Variants in ORMDL3 observed in about 807,000 individuals in gnomAD.
ORMDL3 encodes ORMDL sphingolipid biosynthesis regulator 3, also known as ORM1-like protein 3.
ORMDL3 carries 6 observed loss-of-function variants against 12.6 expected under a neutral mutation model. The observed-to-expected ratio is 0.48, with a 90% CI of 0.26 to 0.94. The LOEUF is 0.94. Ranked by LOEUF, ORMDL3 falls within the 40% of genes least tolerant of loss-of-function variation. The pLI is 0.14. For synonymous variants in ORMDL3, 99 were observed against 87.2 expected, an observed-to-expected ratio of 1.14 and a Z score of -0.75; for missense variants, 159 against 205.5, an observed-to-expected ratio of 0.77 and a Z score of 1.38.
At position 39,922,703 on chromosome 17, in the gene ORMDL3, G is replaced by A; in HGVS notation, c.327-18C>T. 1 of 1,612,372 alleles carries A rather than the reference G, an allele frequency of 6.2e-7. No individual in the cohort carries two copies. Among genetic ancestry groups the A allele is most frequent in the African/African-American group, 1.3e-5 (1 of 74,980 alleles). On this transcript the variant is annotated intron_variant, in intron 3 of 3. Coordinates refer to ENST00000304046, the MANE Select transcript of ORMDL3 (RefSeq NM_139280.4). Reference sequence around the variant, plus strand: ...GGAAGTACCTGGGAGGGGAAGGGTGGGGAGAGATATAAAAGACTGTTGGGA... The same window carrying A: ...GGAAGTACCTGGGAGGGGAAGGGTGAGGAGAGATATAAAAGACTGTTGGGA...
chr17:39,923,354 G>A (rs1340576867), intron 2 of ORMDL3, 91 bp from the exon 3 acceptor site: 1 of 1,419,284 alleles, frequency 7.0e-7, no homozygotes. Flanking sequence ...GTAACTCCCA[G>A]TGATCTGGAG....
chr17:39,927,136 G>A (rs983532866), intron 1 of ORMDL3: 28 of 483,214 alleles, frequency 5.8e-5, no homozygotes, highest in Middle Eastern at 1.0e-3. Context: ...CTGTTCCCCA[G>A]CCTGGGTCTT....
intron 1 of ORMDL3, chr17:39,926,689 C>T (rs1201041069): frequency 7.9e-6 from 6 of 762,570 alleles, no homozygotes; most frequent in Non-Finnish European, 9.6e-6. Context: ...CTTGGCTCCA[C>T]ATACAAATAT....
intron 1 of ORMDL3, chr17:39,925,614 T>A (rs1294922154): frequency 1.3e-5 from 2 of 152,190 alleles, no homozygotes; most frequent in Non-Finnish European, 2.9e-5. Flanking sequence ...ACTAGGATCC[T>A]AGCCAAACCT....
At position 39,923,205 on chromosome 17, in the gene ORMDL3, C is replaced by G; in HGVS notation, c.233G>C (p.Gly78Ala). 6.2e-7 allele frequency: 1 copy of G among 1,614,188 alleles called. No homozygotes were observed. Among genetic ancestry groups the G allele is most frequent in the Non-Finnish European group, 8.5e-7 (1 of 1,180,014 alleles). Reference sequence around the variant, plus strand: ...CCAGTGGGTTAGCAGCCTCGCCTTGCCCTGGTCCGGGGTCTCAAAGGGTGT... The same window carrying G: ...CCAGTGGGTTAGCAGCCTCGCCTTGGCCTGGTCCGGGGTCTCAAAGGGTGT... ...KGTPFETPDQ[G>A]KARLLTHWEQ... The change falls in exon 3 of 4, where the codon GGC becomes GCC. Residue 78 changes from glycine (G) to alanine (A), a missense_variant. By Grantham distance (60) the Gly-to-Ala change is moderately conservative. Transcript: ENST00000304046.
Position 39,923,128 on chromosome 17 carries a change from T to C in ORMDL3, c.310A>G (p.Ile104Val). 6.2e-7 allele frequency: 1 copy of C among 1,614,212 alleles called. No homozygotes were observed. The highest frequency in any genetic ancestry group is 8.5e-7 in the Non-Finnish European group (1 of 1,180,034). Residue 104 changes from isoleucine (I) to valine (V), a missense_variant, in exon 3 of 4, where the codon ATC (isoleucine) becomes GTC (valine). Coordinates refer to ENST00000304046, the MANE Select transcript of ORMDL3 (RefSeq NM_139280.4). ...QFTASRKFLT[I>V]TPIVLYFLTS... ...GGCACTCACAGCACGATGGGTGTGA[T>C]GGTCAAGAACTTCCGAGAGGCCGTG...
At chr17:39,922,783 AG>A in intron 3 of ORMDL3, 98 bp from the exon 4 acceptor site, 1 of 1,427,570 alleles carries the variant, frequency 7.0e-7, no homozygotes, top group Admixed American at 2.2e-5. Context: ...CCAACAGCTA[AG>A]GAGTTACAGA....
intron 1 of ORMDL3, chr17:39,927,020 C>G: frequency 3.0e-6 from 3 of 983,714 alleles, no homozygotes; most frequent in Non-Finnish European, 3.6e-6. Flanking sequence ...CCCAGGCGAA[C>G]CCGCACTAAG....
At chr17:39,923,991 AG>A in intron 2 of ORMDL3, 38 bp downstream of exon 2, 1 of 1,535,946 alleles carries the variant, frequency 6.5e-7, no homozygotes, top group South Asian at 1.2e-5. Flanking sequence ...CCCACAGGGC[AG>A]GGGCAGGGGC....
At chr17:39,924,547 C>A (rs925444492) in intron 1 of ORMDL3, among the ~76,000 whole-genome samples, 4 of 152,180 alleles carry the variant, frequency 2.6e-5, no homozygotes, top group African/African-American at 7.2e-5. Flanking sequence ...AGCCTCACCC[C>A]CTATGGCACT....
chr17:39,923,410 A>C lies in ORMDL3; in HGVS notation c.175-147T>G, dbSNP rs540126412. The stretch of plus-strand genomic sequence containing the variant: ...GGATATGGGCTGGAGGTCAGGATGG[A>C]GCAGCTGGGAGTATGGCAGGAGAAG... On this transcript the variant is annotated intron_variant, in intron 2 of 3. Coordinates refer to ENST00000304046, the MANE Select transcript of ORMDL3 (RefSeq NM_139280.4). The C allele has an allele frequency of 3.4e-5, 30 of 876,104 alleles. 1 individual carries two copies. Among genetic ancestry groups the C allele is most frequent in the South Asian group, 1.3e-4 (8 of 61,642 alleles). The allele number at this position is 876,104 out of a possible 1,614,324, so 54.3% of individuals were successfully genotyped here.
Position 39,922,464 on chromosome 17 carries a change from T to C in ORMDL3, c.*86A>G, listed in dbSNP as rs1978302725. 7 of 1,471,964 alleles carry C rather than the reference T, an allele frequency of 4.8e-6. No homozygotes were observed. Among genetic ancestry groups the C allele is most frequent in the South Asian group, 1.3e-5 (1 of 75,826 alleles). 91.2% of individuals were successfully genotyped at this position (1,471,964 alleles called of 1,614,324 possible). A position where few individuals can be genotyped will look rare whatever the true frequency, so the allele number is the denominator to read the frequency against. ...CCCATCTCTGGCAGTGTCCAGAGGC[T>C]TCTTCTTTCTGTCTTCAGTGTTGCA... On this transcript the variant is annotated 3_prime_UTR_variant, in exon 4 of 4. Transcript: ENST00000304046.
chr17:39,924,247 C>G (rs1425934129), intron 1 of ORMDL3, 22 bp from the exon 2 acceptor site: 1 of 1,553,926 alleles, frequency 6.4e-7, no homozygotes, highest in Admixed American at 1.9e-5. Context: ...CAGCACAGGT[C>G]AGACAGGTCA....
intron 1 of ORMDL3, chr17:39,925,470 C>T (rs1211557117): frequency 5.3e-5 from 8 of 152,200 alleles, no homozygotes. Context: ...AAGGTCATCA[C>T]CATGGTAACA....
intron 1 of ORMDL3, 110 bp downstream of exon 1, chr17:39,927,358 GCACTCCCTCCACCCCC>G: frequency 3.1e-6 from 2 of 635,070 alleles, no homozygotes; most frequent in South Asian, 7.0e-5. Flanking sequence ...CTCGGCTGAT[GCACTCCCTCCACCCCC>G]CACTCCCTCT....
At position 39,922,407 on chromosome 17, in the gene ORMDL3, G is replaced by T; in HGVS notation, c.*143C>A. On this transcript the variant is annotated 3_prime_UTR_variant, in exon 4 of 4. Transcript: ENST00000304046. ...TACTCCAAGTTGGCTACTGGGGGAAGCGAGGGGGGAAATTAGGCCAGAGGC... is the reference window on the plus strand; with the variant it reads ...TACTCCAAGTTGGCTACTGGGGGAATCGAGGGGGGAAATTAGGCCAGAGGC... 1 of 1,068,346 alleles carries T rather than the reference G, an allele frequency of 9.4e-7. No individual in the cohort carries two copies. Among genetic ancestry groups the T allele is most frequent in the Non-Finnish European group, 1.3e-6 (1 of 754,542 alleles). The allele number at this position is 1,068,346 out of a possible 1,614,324, so 66.2% of individuals were successfully genotyped here.
rs752117707 is a variant in ORMDL3, at chr17:39,922,533, G to C, written c.*17C>G. 4.3e-6 allele frequency: 7 copies of C among 1,612,036 alleles called. No homozygotes were observed. In the Admixed American group the frequency reaches 1.2e-4, roughly 27 times the overall value. On this transcript the variant is annotated 3_prime_UTR_variant, in exon 4 of 4. Transcript: ENST00000304046. ...ACCCCTCCCCTGCCACCCTGGGCAG[G>C]GGAAGGGGCTGCACTCTCAGTACTT...
chr17:39,924,548 C>T lies in ORMDL3; in HGVS notation c.-22-323G>A, dbSNP rs372110615. On this transcript the variant is annotated intron_variant, in intron 1 of 3. Transcript: ENST00000304046. ...AAGGCCCATCCCCCAGCCTCACCCC[C>T]TATGGCACTCCCATGAGGACCCTCT... is the stretch of plus-strand genomic sequence containing the variant. Among the ~76,000 whole-genome samples the T allele has an allele frequency of 1.9e-4, 29 of 152,170 alleles. 1 individual carries two copies. The highest frequency in any genetic ancestry group is 1.4e-3 in the Admixed American group (21 of 15,286).
chr17:39,923,423 A>G (rs967957343), intron 2 of ORMDL3, among the ~76,000 whole-genome samples, 160 bp from the exon 3 acceptor site: 3 of 152,004 alleles, frequency 2.0e-5, no homozygotes, highest in African/African-American at 7.2e-5. Flanking sequence ...AGCTGGGAGT[A>G]TGGCAGGAGA....
Sources: allele counts gnomAD v4.1 joint callset (sites outside exome capture counted in the v4.1 genomes callset), GRCh38; gene constraint gnomAD v4.1.1; transcripts MANE v1.5; gene names NCBI Gene and HGNC (gene_info 2026-07-23, HGNC 2026-07-21).